Variants in FREM3 observed in about 807,000 individuals in gnomAD.
The protein encoded by FREM3 is FRAS1-related extracellular matrix protein 3.
FREM3 carries 105 observed loss-of-function variants against 129.1 expected under a neutral mutation model. The ratio of observed to expected loss-of-function variants is 0.81; its 90% confidence interval spans 0.69 to 0.96. The LOEUF (loss-of-function observed/expected upper bound fraction) is 0.96. Ranked by LOEUF, FREM3 falls within the 40% of genes least tolerant of loss-of-function variation. The pLI is 0.00. For synonymous variants in FREM3, 1,014 were observed against 1,044.9 expected, an observed-to-expected ratio of 0.97 and a Z score of 0.57; for missense variants, 2,593 against 2,666.3, an observed-to-expected ratio of 0.97 and a Z score of 0.61.
At position 143,700,301 on chromosome 4, in the gene FREM3, C is replaced by T. The variant is rs916517229; in HGVS notation, c.375G>A (p.Gln125=). The T allele has an allele frequency of 2.0e-6, 3 of 1,535,442 alleles. No individual in the cohort carries two copies. The highest frequency in any genetic ancestry group is 2.7e-5 in the African/African-American group (2 of 73,022). ...GGCTGTGGGAGCCGAAGTGAGTGTA[C>T]TGGACTTGGCGGGGCCCGAAGGTGC... is the stretch of plus-strand genomic sequence containing the variant. ...FPCTFGPRQV[Q]YTHFGSHSPG... is the part of the protein sequence containing the mutation. Residue 125 remains glutamine, a synonymous_variant, in exon 1 of 8, where the codon CAG becomes CAA. Transcript: ENST00000329798.
intron 7 of FREM3, among the ~76,000 whole-genome samples, chr4:143,578,055 C>A (rs948843834): frequency 1.3e-5 from 2 of 152,244 alleles, no homozygotes; most frequent in Non-Finnish European, 2.9e-5. Context: ...GCCATGCCCA[C>A]GTGCCATCCT....
chr4:143,626,838 A>T (rs1454302587), intron 3 of FREM3, among the ~76,000 whole-genome samples: 1 of 152,100 alleles, frequency 6.6e-6, no homozygotes, highest in African/African-American at 2.4e-5. Flanking sequence ...AACAGTTTTG[A>T]TATACTGCCT....
chr4:143,639,410 G>A (rs988782061), intron 2 of FREM3, among the ~76,000 whole-genome samples: 30 of 152,150 alleles, frequency 2.0e-4, no homozygotes, highest in African/African-American at 6.8e-4. Context: ...GGCCCTGGGT[G>A]AATCACTTAC....
At chr4:143,668,101 AAC>A (rs1739897614) in intron 2 of FREM3, among the ~76,000 whole-genome samples, 2 of 152,224 alleles carry the variant, frequency 1.3e-5, no homozygotes, top group Non-Finnish European at 2.9e-5. Context: ...ATATTTTCTA[AAC>A]ACTATTTAGC....
At position 143,698,683 on chromosome 4, in the gene FREM3, G is replaced by T. The variant is rs1339525422; in HGVS notation, c.1993C>A (p.Pro665Thr). ...LFYRHLGPHSPQSVMVQLAFH... is the reference protein window; with the variant it reads ...LFYRHLGPHSTQSVMVQLAFH... The stretch of plus-strand genomic sequence containing the variant: ...GCCAGCTGGACCATTACAGATTGAG[G>T]GCTGTGTGGTCCAAGATGGCGGTAG... The change falls in exon 1 of 8, where the codon CCT becomes ACT. Residue 665 changes from proline to threonine, a missense_variant. Pro to Thr is a conservative substitution (Grantham distance 38). Transcript: ENST00000329798. The T allele has an allele frequency of 7.2e-6, 11 of 1,537,414 alleles. No homozygotes were observed. Among genetic ancestry groups the T allele is most frequent in the Non-Finnish European group, 9.6e-6 (11 of 1,146,998 alleles).
chr4:143,685,203 A>G (rs1368411766), intron 2 of FREM3, among the ~76,000 whole-genome samples: 2 of 152,200 alleles, frequency 1.3e-5, no homozygotes, highest in Non-Finnish European at 1.5e-5. Context: ...CATTGTCATC[A>G]GGTTATCCAA....
At chr4:143,592,128 G>A (rs566984988) in intron 6 of FREM3, among the ~76,000 whole-genome samples, 6 of 152,234 alleles carry the variant, frequency 3.9e-5, no homozygotes, top group Admixed American at 3.3e-4. Context: ...TTGAGCCTAT[G>A]TGTGTCTCTG....
At chr4:143,614,521 T>C (rs530168422) in intron 5 of FREM3, among the ~76,000 whole-genome samples, 1 of 152,326 alleles carries the variant, frequency 6.6e-6, no homozygotes, top group Non-Finnish European at 1.5e-5. Flanking sequence ...AAGACACTTA[T>C]TGGGTCTCAA....
chr4:143,689,059 C>CAAAAGGAA (rs1295226598), intron 2 of FREM3, among the ~76,000 whole-genome samples: 2 of 152,182 alleles, frequency 1.3e-5, no homozygotes, highest in East Asian at 3.9e-4. Flanking sequence ...TTTTGCATGG[C>CAAAAGGAA]AAAAGGAACG....
chr4:143,667,125 AC>A (rs1310596135), intron 2 of FREM3, among the ~76,000 whole-genome samples: 1 of 152,176 alleles, frequency 6.6e-6, no homozygotes, highest in East Asian at 1.9e-4. Context: ...TTGCGAAGTC[AC>A]AAGTAATGCT....
chr4:143,689,618 C>T (rs1740429188), intron 2 of FREM3, among the ~76,000 whole-genome samples: 1 of 151,912 alleles, frequency 6.6e-6, no homozygotes, highest in South Asian at 2.1e-4. Flanking sequence ...ATTGCAAAAT[C>T]GTGGAACCAA....
At chr4:143,618,092 T>A (rs999487774) in intron 5 of FREM3, among the ~76,000 whole-genome samples, 50 of 152,210 alleles carry the variant, frequency 3.3e-4, no homozygotes, top group African/African-American at 1.2e-3. Context: ...ACCGAGTGTC[T>A]GTCTGTTCAT....
intron 6 of FREM3, among the ~76,000 whole-genome samples, chr4:143,609,991 G>T (rs1056477857): frequency 2.0e-5 from 3 of 152,000 alleles, no homozygotes; most frequent in Non-Finnish European, 2.9e-5. Flanking sequence ...TTTCCATAAA[G>T]GAATATATTG....
In FREM3 at chr4:143,700,580, C is replaced by CTG. The variant is rs1427302521; in HGVS notation, c.95_96insCA (p.Ala33ArgfsTer32). 2.0e-6 allele frequency: 3 copies of CTG among 1,495,664 alleles called. No individual in the cohort carries two copies. The Admixed American group carries it at 6.4e-5, about 32-fold the overall frequency. The allele number at this position is 1,495,664 out of a possible 1,614,324, so 92.6% of individuals were successfully genotyped here. A position where few individuals can be genotyped will look rare whatever the true frequency, so the allele number is the denominator to read the frequency against. On this transcript the variant is annotated frameshift_variant, in exon 1 of 8. Transcript: ENST00000329798. LOFTEE classifies it high-confidence loss of function. ...CGGGCTCGGTCCCAAGTGAGGATGC[C>CTG]CGTCCCTGCAGCGCGGGGCGACTCA... is the stretch of plus-strand genomic sequence containing the variant.
At position 143,700,028 on chromosome 4, in the gene FREM3, C is replaced by G; in HGVS notation, c.648G>C (p.Glu216Asp). Residue 216 changes from glutamate (E) to aspartate (D), a missense_variant, in exon 1 of 8, where the codon GAG (glutamate) becomes GAC (aspartate). Physicochemically the swap from Glu to Asp is conservative, Grantham distance 45. Coordinates refer to ENST00000329798, the MANE Select transcript of FREM3 (RefSeq NM_001168235.2). ...RRCRLTPLPH[E>D]DGPLPKYGRL... Reference sequence around the variant, plus strand: ...GCCCGTACTTGGGCAGGGGGCCGTCCTCGTGAGGAAGTGGGGTAAGCCGGC... The same window carrying G: ...GCCCGTACTTGGGCAGGGGGCCGTCGTCGTGAGGAAGTGGGGTAAGCCGGC... The G allele has an allele frequency of 6.6e-7, 1 of 1,511,116 alleles. No homozygotes were observed. The highest frequency in any genetic ancestry group is 8.8e-7 in the Non-Finnish European group (1 of 1,131,874). 93.6% of individuals were successfully genotyped at this position (1,511,116 alleles called of 1,614,324 possible). A position where few individuals can be genotyped will look rare whatever the true frequency, so the allele number is the denominator to read the frequency against.
chr4:143,633,206 G>T (rs1739171222), intron 2 of FREM3, among the ~76,000 whole-genome samples: 1 of 152,074 alleles, frequency 6.6e-6, no homozygotes, highest in Admixed American at 6.6e-5. Flanking sequence ...ATTCTTTCTA[G>T]CTGCATGTCC....
At chr4:143,618,271 T>C (rs559882048) in intron 5 of FREM3, among the ~76,000 whole-genome samples, 6 of 152,006 alleles carry the variant, frequency 3.9e-5, no homozygotes, top group African/African-American at 7.2e-5. Flanking sequence ...TCCCACATGA[T>C]TTCCAGATGT....
intron 7 of FREM3, among the ~76,000 whole-genome samples, chr4:143,580,078 C>T (rs1738104584): frequency 6.6e-6 from 1 of 152,028 alleles, no homozygotes; most frequent in African/African-American, 2.4e-5. Context: ...TGAGAAATGA[C>T]CCTGTCTGAA....
In FREM3 at chr4:143,696,790, G is replaced by A. The variant is rs149925224; in HGVS notation, c.3886C>T (p.Pro1296Ser). The part of the protein sequence containing the change: ...DGKHTTHRKV[P>S]IVVTLVDDET... ...TCATCCACTAGGGTCACTACAATGG[G>A]TACCTTCCTGTGGGTTGTGTGCTTG... The change falls in exon 1 of 8, where the codon CCC (proline) becomes TCC (serine). Residue 1296 changes from proline (P) to serine (S), a missense_variant. This residue lies in a region of FREM3 where 2,276 missense variants were observed against 2,267.2 expected (regional missense o/e 1.00). Transcript: ENST00000329798. 4.3e-4 allele frequency: 663 copies of A among 1,537,754 alleles called. 5 individuals are homozygous for A. The African/African-American group carries it at 7.7e-3, about 18-fold the overall frequency.
Sources: allele counts gnomAD v4.1 joint callset (sites outside exome capture counted in the v4.1 genomes callset), GRCh38; gene constraint gnomAD v4.1.1; regional missense constraint gnomAD v4.1.1; transcripts MANE v1.5; gene names NCBI Gene and HGNC (gene_info 2026-07-23, HGNC 2026-07-21).